The following JUP variants were observed in gnomAD, a reference collection of about 807,000 sequenced individuals.
JUP encodes the protein junction plakoglobin.
JUP carries 28 observed loss-of-function variants against 71.1 expected under a neutral mutation model. The observed-to-expected ratio is 0.39, with a 90% CI of 0.29 to 0.54. The LOEUF (loss-of-function observed/expected upper bound fraction) is 0.54, where lower values mean the gene tolerates loss of function less well. JUP is among the 20% of genes least tolerant of loss of function. The pLI is 0.62. For synonymous variants in JUP, 401 were observed against 438.9 expected, an observed-to-expected ratio of 0.91 and a Z score of 1.08; for missense variants, 869 against 1,030.1, an observed-to-expected ratio of 0.84 and a Z score of 2.14.
rs1021325325 is a variant in JUP, at chr17:41,757,693, T to A, written c.1865A>T (p.Asp622Val). ...GAGTGGGGCCGAGGCCCCCTCTGCA[T>A]CAATGGCGTCGGCCGCCTCCTTGTC... is the stretch of plus-strand genomic sequence containing the variant. Reference protein sequence around the residue: ...AQDKEAADAIDAEGASAPLME... With the variant: ...AQDKEAADAIVAEGASAPLME... Residue 622 changes from aspartate (D) to valine (V), a missense_variant, in exon 11 of 14, where the codon GAT (aspartate) becomes GTT (valine). Asp to Val is a radical substitution (Grantham distance 152). Transcript: ENST00000393931. The A allele has an allele frequency of 1.9e-6, 3 of 1,613,296 alleles. No homozygotes were observed. In the African/African-American group the frequency reaches 4.0e-5, roughly 22 times the overall value.
At position 41,764,919 on chromosome 17, in the gene JUP, T is replaced by A. The variant is rs1555603321; in HGVS notation, c.1054+4A>T. 1 of 1,614,016 alleles carries A rather than the reference T, an allele frequency of 6.2e-7. No homozygotes were observed. On this transcript the variant is annotated splice_donor_region_variant and intron_variant, in intron 6 of 13. Transcript: ENST00000393931. Reference sequence around the variant, plus strand: ...CCAGCCGCCCTCAAGGCCATCATACTCACCAGCCTCCACAATGGCAGGCTT... The same window carrying A: ...CCAGCCGCCCTCAAGGCCATCATACACACCAGCCTCCACAATGGCAGGCTT...
intron 5 of JUP, among the ~76,000 whole-genome samples, chr17:41,766,803 C>T (rs576991594): frequency 2.7e-5 from 4 of 150,192 alleles, no homozygotes; most frequent in South Asian, 2.1e-4. Context: ...TGCAGTGAGC[C>T]GAGATCGTGC....
rs140539043 is a variant in JUP, at chr17:41,769,166, C to T, written c.510G>A (p.Ser170=). The T allele has an allele frequency of 1.3e-4, 202 of 1,604,246 alleles. No homozygotes were observed. Among genetic ancestry groups the T allele is most frequent in the African/African-American group, 1.1e-3 (85 of 75,062 alleles). ...GGGCCCGCCGCGACGCCTCCTTCTT[C>T]GACAGCTGGTTCACAATCATGGCCG... ...TKAAMIVNQL[S]KKEASRRALM... The change falls in exon 4 of 14, where the codon TCG becomes TCA. Residue 170 remains serine, a synonymous_variant. Transcript: ENST00000393931.
chr17:41,755,335 G>C lies in JUP; in HGVS notation c.*409C>G, dbSNP rs1025065671. On this transcript the variant is annotated 3_prime_UTR_variant, in exon 14 of 14. Transcript: ENST00000393931. ...CTACGGAGGACCTCTGGAGGCGCAGGGTGCAGCAGGAAGTTACACCCCGGC... is the reference window on the plus strand; with the variant it reads ...CTACGGAGGACCTCTGGAGGCGCAGCGTGCAGCAGGAAGTTACACCCCGGC... 3.1e-4 allele frequency: 123 copies of C among 402,636 alleles called. 3 individuals carry two copies. The highest frequency in any genetic ancestry group is 2.3e-3 in the African/African-American group (114 of 48,758). 24.9% of individuals were successfully genotyped at this position (402,636 alleles called of 1,614,324 possible).
chr17:41,764,416 T>C (rs1457994586), intron 7 of JUP, among the ~76,000 whole-genome samples: 1 of 149,616 alleles, frequency 6.7e-6, no homozygotes, highest in Non-Finnish European at 1.5e-5. Context: ...GTGCCTGTAG[T>C]CCCAACTACT....
At chr17:41,760,968 G>C (rs1354237648) in intron 8 of JUP, among the ~76,000 whole-genome samples, 1 of 152,076 alleles carries the variant, frequency 6.6e-6, no homozygotes, top group Non-Finnish European at 1.5e-5. Flanking sequence ...TCACTCTCTG[G>C]CACCAGATGC....
chr17:41,761,933 G>C (rs113000063), intron 8 of JUP, among the ~76,000 whole-genome samples: 4 of 151,390 alleles, frequency 2.6e-5, no homozygotes, highest in African/African-American at 9.7e-5. Flanking sequence ...TCCAGACATG[G>C]TGGCGTGCAC....
At chr17:41,774,446 G>C (rs556621685) in intron 1 of JUP, among the ~76,000 whole-genome samples, 15 of 152,086 alleles carry the variant, frequency 9.9e-5, no homozygotes, top group African/African-American at 3.1e-4. Flanking sequence ...TGATTCTCCT[G>C]CCTCAACCTC....
intron 7 of JUP, among the ~76,000 whole-genome samples, chr17:41,764,152 C>T (rs1213546909): frequency 6.6e-6 from 1 of 152,186 alleles, no homozygotes; most frequent in African/African-American, 2.4e-5. Flanking sequence ...GGGCACTTGC[C>T]CTGGAGCTGC....
At position 41,764,814 on chromosome 17, in the gene JUP, C is replaced by T. The variant is rs1555603248; in HGVS notation, c.1057G>A (p.Gly353Arg). Reference protein sequence around the residue: ...SNKPAIVEAGGMQALGKHLTS... With the variant: ...SNKPAIVEAGRMQALGKHLTS... The stretch of plus-strand genomic sequence containing the variant: ...AGGTGCTTGCCCAGGGCCTGCATCC[C>T]ACCTGGGGCAGGGATAGGGGTGCCA... Residue 353 changes from glycine (G) to arginine (R), a missense_variant and splice_region_variant, in exon 7 of 14, where the codon GGG becomes AGG. By Grantham distance (125) the Gly-to-Arg change is moderately radical (BLOSUM62 -2). Coordinates refer to ENST00000393931, the MANE Select transcript of JUP (RefSeq NM_002230.4). 1.2e-6 allele frequency: 2 copies of T among 1,613,706 alleles called. No homozygotes were observed. Among genetic ancestry groups the T allele is most frequent in the East Asian group, 2.2e-5 (1 of 44,874 alleles).
At chr17:41,772,151 C>T in intron 1 of JUP, 1 of 510,340 alleles carries the variant, frequency 2.0e-6, no homozygotes, top group East Asian at 3.7e-5. Context: ...GGGGGCAGGA[C>T]AGTCAAGGGC....
At chr17:41,758,283 A>G (rs973266926) in intron 10 of JUP, 116 bp downstream of exon 10, 45 of 1,416,122 alleles carry the variant, frequency 3.2e-5, no homozygotes, top group Admixed American at 5.4e-5. Flanking sequence ...ACTTTCCTCC[A>G]AACTCCTCCA....
intron 1 of JUP, among the ~76,000 whole-genome samples, chr17:41,778,559 CA>C (rs35336912): frequency 1.6e-3 from 223 of 142,478 alleles, no homozygotes; most frequent in African/African-American, 4.2e-3. Context: ...GACCCCATCT[CA>C]AAAAAAAAAA....
In JUP at chr17:41,767,411, G is replaced by A; in HGVS notation, c.877C>T (p.Gln293Ter). 1 of 1,614,188 alleles carries A rather than the reference G, an allele frequency of 6.2e-7. No homozygotes were observed. Among genetic ancestry groups the A allele is most frequent in the Non-Finnish European group, 8.5e-7 (1 of 1,180,044 alleles). Residue 293 changes from glutamine to a stop codon, truncating the protein, a stop_gained, in exon 5 of 14, where the codon CAG becomes TAG. Coordinates refer to ENST00000393931, the MANE Select transcript of JUP (RefSeq NM_002230.4). LOFTEE classifies it high-confidence loss of function. The stretch of plus-strand genomic sequence containing the variant: ...TCCTGGTTGCCGTAGGCCAGGAGCT[G>A]CAGGCAGTCGGTGGTGATGGCCAGG... ...KFLAITTDCL[Q>*]LLAYGNQESK...
intron 5 of JUP, 31 bp from the exon 6 acceptor site, chr17:41,765,098 G>A: frequency 6.2e-7 from 1 of 1,609,246 alleles, no homozygotes; most frequent in Non-Finnish European, 8.5e-7. Flanking sequence ...AGTGTGAGAT[G>A]GACGGGGAAT....
At chr17:41,755,923 T>C in intron 13 of JUP, 28 bp from the exon 14 acceptor site, 1 of 1,593,766 alleles carries the variant, frequency 6.3e-7, no homozygotes, top group Non-Finnish European at 8.6e-7. Context: ...GGCTCGGTCC[T>C]AGGGTCTGCA....
At chr17:41,759,929 A>G (rs1263192674) in intron 8 of JUP, among the ~76,000 whole-genome samples, 4 of 151,958 alleles carry the variant, frequency 2.6e-5, no homozygotes, top group Non-Finnish European at 4.4e-5. Context: ...AATTCAATGT[A>G]TAGGCCGGGC....
At chr17:41,775,012 A>G (rs1203304085) in intron 1 of JUP, among the ~76,000 whole-genome samples, 1 of 151,720 alleles carries the variant, frequency 6.6e-6, no homozygotes, top group Non-Finnish European at 1.5e-5. Flanking sequence ...CTGGGGCGGG[A>G]GAATTGCTTA....
rs1567810441 is a variant in JUP, at chr17:41,763,341, CG to C, written c.1159-21del. ...GCCCTCCTGGAGGGCAAGGAAGGGA[CG>C]GGGGAGTCAGGGAGCAGCCAACTCC... On this transcript the variant is annotated intron_variant, in intron 7 of 13. Transcript: ENST00000393931. The C allele has an allele frequency of 1.3e-6, 2 of 1,598,174 alleles. No individual in the cohort carries two copies. Among genetic ancestry groups the C allele is most frequent in the Non-Finnish European group, 8.6e-7 (1 of 1,166,084 alleles).
Sources: allele counts gnomAD v4.1 joint callset (sites outside exome capture counted in the v4.1 genomes callset), GRCh38; gene constraint gnomAD v4.1.1; transcripts MANE v1.5; gene names NCBI Gene and HGNC (gene_info 2026-07-23, HGNC 2026-07-21).